ZNF292: variants seen among roughly 807,000 people sequenced by gnomAD.
ZNF292 encodes zinc finger protein 292.
In ZNF292, 26 loss-of-function variants were observed where a neutral mutation model predicts 217.9. That is an observed-to-expected ratio of 0.12 (90% CI 0.09 to 0.17). The LOEUF (loss-of-function observed/expected upper bound fraction) is 0.17, where lower values mean the gene tolerates loss of function less well. ZNF292 is among the 10% of genes least tolerant of loss of function. The probability of loss-of-function intolerance (pLI) is 1.00; values close to 1 mark genes in which losing one functional copy is unlikely to be tolerated. For missense variants in ZNF292, 2,904 were observed against 3,175.2 expected (o/e 0.91, Z 2.05); for synonymous variants, 1,257 against 1,124.1 (o/e 1.12, Z -2.37).
chr6:87,185,945 G>C (rs1002590628), intron 1 of ZNF292, among the ~76,000 whole-genome samples: 2 of 152,120 alleles, frequency 1.3e-5, no homozygotes, highest in African/African-American at 4.8e-5. Flanking sequence ...ATGCACGTTC[G>C]GCTCTCCAGA....
At chr6:87,244,835 T>C (rs968885313) in intron 6 of ZNF292, among the ~76,000 whole-genome samples, 1 of 151,996 alleles carries the variant, frequency 6.6e-6, no homozygotes, top group African/African-American at 2.4e-5. Flanking sequence ...TTTATATATA[T>C]ATTATATATA....
At chr6:87,228,475 A>T (rs1174212437) in intron 4 of ZNF292, among the ~76,000 whole-genome samples, 1 of 152,244 alleles carries the variant, frequency 6.6e-6, no homozygotes, top group East Asian at 1.9e-4. Context: ...CCTATGACAC[A>T]TTTGGTGTCA....
At chr6:87,181,583 C>T (rs578083714) in intron 1 of ZNF292, among the ~76,000 whole-genome samples, 1 of 152,262 alleles carries the variant, frequency 6.6e-6, no homozygotes, top group East Asian at 1.9e-4. Context: ...GAGTGTGGGG[C>T]ATTTGCCGGG....
intron 1 of ZNF292, among the ~76,000 whole-genome samples, chr6:87,157,522 T>G (rs976898290): frequency 6.6e-6 from 1 of 152,202 alleles, no homozygotes; most frequent in Non-Finnish European, 1.5e-5. Context: ...CCCCTAATAG[T>G]GTCCACTGAT....
chr6:87,241,843 A>G (rs1273441995), intron 5 of ZNF292, among the ~76,000 whole-genome samples: 1 of 152,218 alleles, frequency 6.6e-6, no homozygotes, highest in African/African-American at 2.4e-5. Context: ...TCAGCTCTAC[A>G]ACGGTGCGAA....
chr6:87,215,481 A>G (rs1772705843), intron 1 of ZNF292, among the ~76,000 whole-genome samples: 1 of 152,122 alleles, frequency 6.6e-6, no homozygotes, highest in South Asian at 2.1e-4. Context: ...CTGACCATAC[A>G]TGATTTATTT....
At chr6:87,199,556 T>G (rs1473994275) in intron 1 of ZNF292, among the ~76,000 whole-genome samples, 1 of 152,210 alleles carries the variant, frequency 6.6e-6, no homozygotes, top group Non-Finnish European at 1.5e-5. Flanking sequence ...GAAGAACTCT[T>G]CAAGAAGTTT....
In ZNF292 at chr6:87,262,420, T is replaced by C. The variant is rs967709644; in HGVS notation, c.*619T>C. 3 of 151,950 alleles carry C rather than the reference T, an allele frequency of 2.0e-5. No individual in the cohort carries two copies. Among genetic ancestry groups the C allele is most frequent in the Non-Finnish European group, 4.4e-5 (3 of 67,880 alleles). 9.4% of individuals were successfully genotyped at this position (151,950 alleles called of 1,614,324 possible). ...AAATAGGCACATTATATCAACACTT[T>C]GCTCTGCTTTGTAAATTTGCCATCC... On this transcript the variant is annotated 3_prime_UTR_variant, in exon 8 of 8. Transcript: ENST00000369577.
intron 5 of ZNF292, among the ~76,000 whole-genome samples, chr6:87,238,485 CAAAA>C: frequency 1.0e-5 from 1 of 99,696 alleles, no homozygotes; most frequent in African/African-American, 3.6e-5. Flanking sequence ...GTCTCCATCT[CAAAA>C]AAAAAAAAAA....
At chr6:87,168,911 A>G (rs373282240) in intron 1 of ZNF292, among the ~76,000 whole-genome samples, 16 of 152,310 alleles carry the variant, frequency 1.1e-4, no homozygotes, top group African/African-American at 3.8e-4. Flanking sequence ...ATGAAATGGC[A>G]TAGTATTTGC....
Position 87,261,888 on chromosome 6 carries a change from T to C in ZNF292, c.*87T>C. ...TGCTAGAATTGTGAAACTTTCATTA[T>C]ATTTTTTTGTTGTTGACATGAATTA... On this transcript the variant is annotated 3_prime_UTR_variant, in exon 8 of 8. Coordinates refer to ENST00000369577, the MANE Select transcript of ZNF292 (RefSeq NM_015021.3). 2 of 996,740 alleles carry C rather than the reference T, an allele frequency of 2.0e-6. No individual in the cohort carries two copies. Among genetic ancestry groups the C allele is most frequent in the Non-Finnish European group, 1.4e-6 (1 of 725,400 alleles). 61.7% of individuals were successfully genotyped at this position (996,740 alleles called of 1,614,324 possible). A position where few individuals can be genotyped will look rare whatever the true frequency, so the allele number is the denominator to read the frequency against.
At chr6:87,228,098 A>G (rs1773452733) in intron 4 of ZNF292, among the ~76,000 whole-genome samples, 1 of 152,094 alleles carries the variant, frequency 6.6e-6, no homozygotes, top group Non-Finnish European at 1.5e-5. Flanking sequence ...CATCCTCACC[A>G]ACACTTGTTT....
At chr6:87,178,457 A>G (rs1771370494) in intron 1 of ZNF292, among the ~76,000 whole-genome samples, 1 of 152,214 alleles carries the variant, frequency 6.6e-6, no homozygotes, top group Non-Finnish European at 1.5e-5. Flanking sequence ...ATTCAGGGCA[A>G]GGATTCAGTT....
intron 1 of ZNF292, among the ~76,000 whole-genome samples, chr6:87,165,934 T>G (rs958108588): frequency 1.1e-4 from 17 of 152,024 alleles, no homozygotes; most frequent in Non-Finnish European, 1.9e-4. Context: ...GTTTTTGTAT[T>G]TTTAGTAGAT....
chr6:87,194,773 CAG>C (rs1286061023), intron 1 of ZNF292, among the ~76,000 whole-genome samples: 1 of 151,938 alleles, frequency 6.6e-6, no homozygotes, highest in Non-Finnish European at 1.5e-5. Context: ...TCACATGTGA[CAG>C]AATATATATG....
At chr6:87,172,286 A>T (rs973746600) in intron 1 of ZNF292, among the ~76,000 whole-genome samples, 4 of 152,222 alleles carry the variant, frequency 2.6e-5, no homozygotes, top group African/African-American at 7.2e-5. Context: ...AATCACATTT[A>T]TCTTGCTTTC....
rs775036621 is a variant in ZNF292 at position 87,259,357 on chromosome 6, A to G, written c.5728A>G (p.Asn1910Asp). ...CTTTGTGTGTCAAAACCAAGGCTGT[A>G]ACTACAGTGCTATGACAAAGGATGC... is the stretch of plus-strand genomic sequence containing the variant. ...KPFVCQNQGC[N>D]YSAMTKDALF... The change falls in exon 8 of 8, where the codon AAC becomes GAC. Residue 1910 changes from asparagine to aspartate, a missense_variant. Physicochemically the swap from Asn to Asp is conservative, Grantham distance 23 (BLOSUM62 1). Transcript: ENST00000369577. 5.6e-6 allele frequency: 9 copies of G among 1,613,304 alleles called. No homozygotes were observed. The East Asian group carries it at 6.7e-5, about 12-fold the overall frequency.
At chr6:87,247,140 C>T (rs2127845099) in intron 7 of ZNF292, among the ~76,000 whole-genome samples, 1 of 151,342 alleles carries the variant, frequency 6.6e-6, no homozygotes, top group East Asian at 1.9e-4. Context: ...CCACTGCACT[C>T]CAGCCTGGGA....
intron 1 of ZNF292, among the ~76,000 whole-genome samples, chr6:87,156,677 C>G (rs903217943): frequency 3.3e-5 from 5 of 152,206 alleles, no homozygotes; most frequent in African/African-American, 1.2e-4. Flanking sequence ...TGGGTAGTTT[C>G]AAATCTTTTC....
Sources: allele counts gnomAD v4.1 joint callset (sites outside exome capture counted in the v4.1 genomes callset), GRCh38; gene constraint gnomAD v4.1.1; transcripts MANE v1.5; gene names NCBI Gene and HGNC (gene_info 2026-07-23, HGNC 2026-07-21).